Variants in SUSD4 observed in about 807,000 individuals in gnomAD.
The protein encoded by SUSD4 is sushi domain-containing protein 4.
Under a neutral mutation model 50.5 loss-of-function variants are expected in SUSD4, and 41 were observed. The ratio of observed to expected loss-of-function variants is 0.81; its 90% confidence interval spans 0.63 to 1.05. The LOEUF (loss-of-function observed/expected upper bound fraction) is 1.05. SUSD4 is among the 50% of genes least tolerant of loss of function. The pLI is 0.00. For synonymous variants in SUSD4, 257 were observed against 257.3 expected, an observed-to-expected ratio of 1.00 and a Z score of 0.01; for missense variants, 580 against 634.7, an observed-to-expected ratio of 0.91 and a Z score of 0.93.
At chr1:223,225,101 C>G (rs1254888385) in intron 7 of SUSD4, among the ~76,000 whole-genome samples, 1 of 151,952 alleles carries the variant, frequency 6.6e-6, no homozygotes, top group Non-Finnish European at 1.5e-5. Flanking sequence ...AACTCCTGAC[C>G]TCAGGTGATC....
At chr1:223,263,254 G>C (rs762314758) in intron 5 of SUSD4, among the ~76,000 whole-genome samples, 1 of 152,170 alleles carries the variant, frequency 6.6e-6, no homozygotes, top group Non-Finnish European at 1.5e-5. Flanking sequence ...TAACAGGAAG[G>C]CTATTCCCAC....
At chr1:223,228,757 C>T (rs1659693272) in intron 6 of SUSD4, among the ~76,000 whole-genome samples, 1 of 152,046 alleles carries the variant, frequency 6.6e-6, no homozygotes, top group Non-Finnish European at 1.5e-5. Flanking sequence ...CAGGGCAATG[C>T]ATCTAATTCT....
At chr1:223,256,098 C>A (rs1202942696) in intron 5 of SUSD4, among the ~76,000 whole-genome samples, 3 of 152,212 alleles carry the variant, frequency 2.0e-5, no homozygotes, top group African/African-American at 7.2e-5. Context: ...CCCCATTGCT[C>A]ACCATTGTAT....
intron 2 of SUSD4, among the ~76,000 whole-genome samples, chr1:223,333,235 G>A (rs980516811): frequency 1.3e-5 from 2 of 151,984 alleles, no homozygotes; most frequent in Non-Finnish European, 2.9e-5. Flanking sequence ...TTAGATCTAC[G>A]TGCATTTCAA....
intron 2 of SUSD4, among the ~76,000 whole-genome samples, chr1:223,308,742 T>G (rs975241103): frequency 6.6e-6 from 1 of 151,630 alleles, no homozygotes; most frequent in African/African-American, 2.4e-5. Context: ...CAAGAGGGAG[T>G]AGAACCTGGG....
chr1:223,260,955 A>T (rs2103066061), intron 5 of SUSD4, among the ~76,000 whole-genome samples: 1 of 151,990 alleles, frequency 6.6e-6, no homozygotes, highest in East Asian at 1.9e-4. Context: ...AGTGCTCTCC[A>T]CTCCGCTAGG....
chr1:223,275,057 T>G (rs1663164568), intron 3 of SUSD4, among the ~76,000 whole-genome samples: 1 of 152,190 alleles, frequency 6.6e-6, no homozygotes, highest in African/African-American at 2.4e-5. Flanking sequence ...ACAATAGAAT[T>G]AATCCAGAAA....
At chr1:223,293,266 T>C (rs1192393493) in intron 2 of SUSD4, among the ~76,000 whole-genome samples, 5 of 152,120 alleles carry the variant, frequency 3.3e-5, no homozygotes, top group Non-Finnish European at 7.4e-5. Context: ...CCTCAAGACC[T>C]ATCCAAGTTT....
chr1:223,295,839 T>TATA (rs1664785298), intron 2 of SUSD4, among the ~76,000 whole-genome samples: 2 of 116,774 alleles, frequency 1.7e-5, no homozygotes, highest in African/African-American at 6.3e-5. Flanking sequence ...ACTTAAAGTA[T>TATA]AAAAAAAAAA....
rs534162899 is a variant in SUSD4, at chr1:223,279,222, G to A, written c.362-10547C>T. Among the ~76,000 whole-genome samples, 4 of 152,360 alleles carry A rather than the reference G, an allele frequency of 2.6e-5. No individual in the cohort carries two copies. The South Asian group carries it at 6.2e-4, about 24-fold the overall frequency. On this transcript the variant is annotated intron_variant, in intron 3 of 8. Coordinates refer to ENST00000366878, the MANE Select transcript of SUSD4 (RefSeq NM_017982.4). ...CACCAATGGAACAAAGCTGGATGGAGAATGACTTTGACGAGTTGAGAGAAG... is the reference window on the plus strand; with the variant it reads ...CACCAATGGAACAAAGCTGGATGGAAAATGACTTTGACGAGTTGAGAGAAG...
chr1:223,332,683 C>T lies in SUSD4; in HGVS notation c.148+30595G>A, dbSNP rs915338263. 6.6e-6 allele frequency among the ~76,000 whole-genome samples: 1 copy of T among 152,144 alleles called. No homozygotes were observed. Among genetic ancestry groups the T allele is most frequent in the Non-Finnish European group, 1.5e-5 (1 of 68,036 alleles). On this transcript the variant is annotated intron_variant, in intron 2 of 8. Coordinates refer to ENST00000366878, the MANE Select transcript of SUSD4 (RefSeq NM_017982.4). The surrounding 1 kb of genome is among the most constrained non-coding windows in gnomAD (Gnocchi z 4.0). The stretch of plus-strand genomic sequence containing the variant: ...GTGACTGCGGGTAGCCGTGGGGAGA[C>T]AGGCATCTCCTCGGACAAGCCTCTC...
chr1:223,322,614 G>C (rs892988383), intron 2 of SUSD4, among the ~76,000 whole-genome samples: 18 of 152,106 alleles, frequency 1.2e-4, no homozygotes, highest in African/African-American at 2.7e-4. Flanking sequence ...GGCAGCCCTG[G>C]GGTGTGTGTG....
chr1:223,329,791 T>G (rs1286835910), intron 2 of SUSD4, among the ~76,000 whole-genome samples: 1 of 151,640 alleles, frequency 6.6e-6, no homozygotes, highest in Non-Finnish European at 1.5e-5. Flanking sequence ...GATGAACAGA[T>G]AGAGAGATGA....
chr1:223,290,295 T>C (rs894470693), intron 3 of SUSD4, among the ~76,000 whole-genome samples: 2 of 152,188 alleles, frequency 1.3e-5, no homozygotes, highest in Non-Finnish European at 2.9e-5. Context: ...ATCGGTGGTA[T>C]AGACTTCTAG....
At position 223,264,624 on chromosome 1, in the gene SUSD4, T is replaced by C; in HGVS notation, c.724+6A>G. 1 of 1,613,828 alleles carries C rather than the reference T, an allele frequency of 6.2e-7. No individual in the cohort carries two copies. Among genetic ancestry groups the C allele is most frequent in the Non-Finnish European group, 8.5e-7 (1 of 1,179,778 alleles). On this transcript the variant is annotated splice_donor_region_variant and intron_variant, in intron 5 of 8. Transcript: ENST00000366878. ...ATACAACTTCCGAAAGAATGAGATG[T>C]GTTACCTTCCAGAGCAAGGCACCGG... is the stretch of plus-strand genomic sequence containing the variant.
intron 7 of SUSD4, among the ~76,000 whole-genome samples, chr1:223,225,917 G>A (rs1480554686): frequency 6.6e-6 from 1 of 152,126 alleles, no homozygotes; most frequent in Admixed American, 6.6e-5. Context: ...TGAGATTCTT[G>A]TCATGCATTT....
intron 5 of SUSD4, chr1:223,263,583 G>C (rs749053201): frequency 8.0e-5 from 79 of 985,138 alleles, no homozygotes; most frequent in Non-Finnish European, 8.8e-5. Context: ...AAAACCAATG[G>C]GAAGGGCTGG....
At position 223,327,216 on chromosome 1, in the gene SUSD4, GAAGT is replaced by G. The variant is rs1463075712; in HGVS notation, c.149-34569_149-34566del. The stretch of plus-strand genomic sequence containing the variant: ...GGAGCTGGAGGCCATTATTCTAACT[GAAGT>G]AAGACAGCAGTGAAAGACCAAAAAC... On this transcript the variant is annotated intron_variant, in intron 2 of 8. Transcript: ENST00000366878. Among the ~76,000 whole-genome samples, 4 of 152,162 alleles carry G rather than the reference GAAGT, an allele frequency of 2.6e-5. No homozygotes were observed. The East Asian group carries it at 5.8e-4, about 22-fold the overall frequency.
intron 2 of SUSD4, among the ~76,000 whole-genome samples, chr1:223,325,380 C>A (rs941376776): frequency 6.6e-6 from 1 of 152,024 alleles, no homozygotes; most frequent in Admixed American, 6.5e-5. Flanking sequence ...TATGGTAATT[C>A]TACCAAATTC....
Sources: gnomAD v4.1 joint callset for allele counts (sites outside exome capture counted in the v4.1 genomes callset) on GRCh38, gnomAD v4.1.1 for gene constraint, Gnocchi (gnomAD v3.1) non-coding constraint, MANE v1.5 for transcripts, NCBI Gene and HGNC (gene_info 2026-07-23, HGNC 2026-07-21) for gene names.